The following MAML3 variants were observed in gnomAD, a reference collection of about 807,000 sequenced individuals.
MAML3 encodes mastermind-like protein 3.
MAML3 carries 27 observed loss-of-function variants against 101.9 expected under a neutral mutation model. The observed-to-expected ratio is 0.27, with a 90% CI of 0.20 to 0.37. The LOEUF is 0.37. Among genes scored for constraint, MAML3 ranks in the 10% least tolerant of loss-of-function variants. MAML3 has a pLI of 1.00. For synonymous variants in MAML3, 501 were observed against 555.9 expected (o/e 0.90, Z 1.39); for missense variants, 1,316 against 1,444.9 (o/e 0.91, Z 1.45).
intron 2 of MAML3, among the ~76,000 whole-genome samples, chr4:139,775,990 C>T (rs1336257322): frequency 6.6e-6 from 1 of 152,216 alleles, no homozygotes; most frequent in Non-Finnish European, 1.5e-5. Flanking sequence ...ATAAGCTCTG[C>T]TTCTACGGCT....
chr4:140,001,564 G>C (rs1734925651), intron 1 of MAML3, among the ~76,000 whole-genome samples: 1 of 152,148 alleles, frequency 6.6e-6, no homozygotes, highest in South Asian at 2.1e-4. Flanking sequence ...AAAATCAGAA[G>C]GGACAAAAGG....
At chr4:140,120,236 CAAA>C (rs35845014) in intron 1 of MAML3, among the ~76,000 whole-genome samples, 48 of 90,040 alleles carry the variant, frequency 5.3e-4, no homozygotes, top group South Asian at 8.2e-4. Context: ...GACTCCGTCT[CAAA>C]AAAAAAAAAA....
chr4:139,839,397 C>T (rs1463750742), intron 2 of MAML3, among the ~76,000 whole-genome samples: 2 of 152,058 alleles, frequency 1.3e-5, no homozygotes, highest in African/African-American at 4.8e-5. Context: ...ATGTTACCCA[C>T]ACCTTCTCAA....
chr4:139,803,862 CA>C (rs1030814818), intron 2 of MAML3, among the ~76,000 whole-genome samples: 14 of 152,202 alleles, frequency 9.2e-5, no homozygotes, highest in African/African-American at 3.4e-4. Flanking sequence ...CAAGGTCACA[CA>C]ACTGTTGAGT....
chr4:139,838,405 T>C (rs1196171315), intron 2 of MAML3, among the ~76,000 whole-genome samples: 1 of 152,194 alleles, frequency 6.6e-6, no homozygotes, highest in Admixed American at 6.5e-5. Flanking sequence ...CTGTCTCATA[T>C]CATTTGGAGT....
intron 2 of MAML3, among the ~76,000 whole-genome samples, chr4:139,799,500 A>G (rs1730569006): frequency 6.6e-6 from 1 of 152,212 alleles, no homozygotes; most frequent in South Asian, 2.1e-4. Context: ...TAGATACTTT[A>G]AACCCTGGGC....
chr4:140,029,005 C>T (rs192204490), intron 1 of MAML3, among the ~76,000 whole-genome samples: 4 of 152,228 alleles, frequency 2.6e-5, no homozygotes, highest in African/African-American at 4.8e-5. Flanking sequence ...GTCCAGTCTT[C>T]GAGGTGAAAC....
At chr4:139,873,200 G>A (rs982817281) in intron 2 of MAML3, among the ~76,000 whole-genome samples, 5 of 152,170 alleles carry the variant, frequency 3.3e-5, no homozygotes, top group Non-Finnish European at 5.9e-5. Flanking sequence ...TCTGCTATGT[G>A]GCACAGCTTT....
chr4:139,813,866 A>G (rs558987735), intron 2 of MAML3, among the ~76,000 whole-genome samples: 33 of 152,304 alleles, frequency 2.2e-4, no homozygotes, highest in African/African-American at 7.7e-4. Flanking sequence ...GAGAAGATTC[A>G]CCCTTCTGAT....
At chr4:140,069,181 C>T (rs1727587978) in intron 1 of MAML3, among the ~76,000 whole-genome samples, 1 of 152,114 alleles carries the variant, frequency 6.6e-6, no homozygotes, top group Non-Finnish European at 1.5e-5. Flanking sequence ...ATTGCAACTT[C>T]AAAACATTTC....
At chr4:139,930,075 A>G (rs1733350946) in intron 1 of MAML3, among the ~76,000 whole-genome samples, 1 of 152,206 alleles carries the variant, frequency 6.6e-6, no homozygotes, top group Non-Finnish European at 1.5e-5. Flanking sequence ...AAAGGCTCTC[A>G]CAGAACAAAG....
intron 2 of MAML3, among the ~76,000 whole-genome samples, chr4:139,826,414 C>T (rs535893286): frequency 7.6e-4 from 115 of 152,206 alleles, no homozygotes; most frequent in African/African-American, 2.7e-3. Context: ...GCTGGGTGAA[C>T]AGAAGGGCCA....
chr4:139,872,807 G>A (rs1456344259), intron 2 of MAML3, among the ~76,000 whole-genome samples: 1 of 152,150 alleles, frequency 6.6e-6, no homozygotes, highest in African/African-American at 2.4e-5. Flanking sequence ...GCCGGGCACA[G>A]TGGTTCATGC....
chr4:139,725,858 G>C lies in MAML3; in HGVS notation c.2332-23C>G, dbSNP rs762667888. ...CTGCTAGAACAACAGAACACAAGAGGGGTGGAGAGGTGAGATAGGGAGCAA... is the reference window on the plus strand; with the variant it reads ...CTGCTAGAACAACAGAACACAAGAGCGGTGGAGAGGTGAGATAGGGAGCAA... On this transcript the variant is annotated intron_variant, in intron 3 of 4. Coordinates refer to ENST00000509479, the MANE Select transcript of MAML3 (RefSeq NM_018717.5). The C allele has an allele frequency of 3.7e-6, 6 of 1,601,574 alleles. No homozygotes were observed. The African/African-American group carries it at 8.0e-5, about 21-fold the overall frequency.
At chr4:139,727,021 T>C (rs1180210101) in intron 3 of MAML3, among the ~76,000 whole-genome samples, 1 of 152,188 alleles carries the variant, frequency 6.6e-6, no homozygotes, top group African/African-American at 2.4e-5. Context: ...ATAAAGAATA[T>C]ACAACAAGGT....
chr4:140,017,354 A>T (rs1053610715), intron 1 of MAML3, among the ~76,000 whole-genome samples: 3 of 152,214 alleles, frequency 2.0e-5, no homozygotes, highest in Non-Finnish European at 2.9e-5. Context: ...GCTGGTAGAC[A>T]AGTAAAATAA....
intron 1 of MAML3, among the ~76,000 whole-genome samples, chr4:140,020,251 T>C (rs917145460): frequency 6.6e-6 from 1 of 152,210 alleles, no homozygotes; most frequent in African/African-American, 2.4e-5. Flanking sequence ...GAAATGCCTA[T>C]GTAAATGTCC....
At chr4:139,859,464 C>T (rs1233138134) in intron 2 of MAML3, among the ~76,000 whole-genome samples, 3 of 151,990 alleles carry the variant, frequency 2.0e-5, no homozygotes, top group Admixed American at 6.6e-5. Flanking sequence ...GCCTCGACCT[C>T]CCAAAGTGCT....
intron 1 of MAML3, among the ~76,000 whole-genome samples, chr4:140,128,330 AG>A (rs1340254999): frequency 9.2e-5 from 14 of 152,350 alleles, no homozygotes; most frequent in African/African-American, 3.4e-4. Flanking sequence ...AGATGAGGGC[AG>A]TATGGAGCTC....
Sources: allele counts gnomAD v4.1 joint callset (sites outside exome capture counted in the v4.1 genomes callset), GRCh38; gene constraint gnomAD v4.1.1; transcripts MANE v1.5; gene names NCBI Gene and HGNC (gene_info 2026-07-23, HGNC 2026-07-21).